The following ITM2B variants were observed in gnomAD, a reference collection of about 807,000 sequenced individuals.
ITM2B encodes the protein integral membrane protein 2B.
In ITM2B, 11 loss-of-function variants were observed where a neutral mutation model predicts 27.8. The observed-to-expected ratio is 0.40, with a 90% CI of 0.25 to 0.66. ITM2B has a LOEUF of 0.66. Among genes scored for constraint, ITM2B ranks in the 30% least tolerant of loss-of-function variants. The pLI, the probability that ITM2B is intolerant of heterozygous loss-of-function variation, is 0.43. For synonymous variants in ITM2B, 114 were observed against 114.3 expected (o/e 1.00, Z 0.02); for missense variants, 296 against 328.9 (o/e 0.90, Z 0.77).
At chr13:48,251,275 A>G (rs758632161) in intron 1 of ITM2B, among the ~76,000 whole-genome samples, 15 of 152,154 alleles carry the variant, frequency 9.9e-5, no homozygotes, top group Admixed American at 2.6e-4. Context: ...CTTTAACTCT[A>G]TCTTCTGCTG....
rs1424618240 is a variant in ITM2B, at chr13:48,263,241, C to G, written c.*2017C>G. The G allele has an allele frequency of 1.3e-5, 2 of 152,128 alleles. No individual in the cohort carries two copies. The highest frequency in any genetic ancestry group is 2.9e-5 in the Non-Finnish European group (2 of 68,022). The allele number at this position is 152,128 out of a possible 1,614,324, so 9.4% of individuals were successfully genotyped here. A position where few individuals can be genotyped will look rare whatever the true frequency, so the allele number is the denominator to read the frequency against. ...TTGGCCAGATTGGTCTAACATGGTACCCATGATTTTACTTCATTTCCAGTA... is the reference window on the plus strand; with the variant it reads ...TTGGCCAGATTGGTCTAACATGGTAGCCATGATTTTACTTCATTTCCAGTA... On this transcript the variant is annotated 3_prime_UTR_variant, in exon 6 of 6. Transcript: ENST00000647800.
chr13:48,243,827 T>C (rs916703510), intron 1 of ITM2B, among the ~76,000 whole-genome samples: 2 of 149,200 alleles, frequency 1.3e-5, no homozygotes, highest in African/African-American at 5.1e-5. Flanking sequence ...AAAAAAAAAT[T>C]AATTAATTAA....
chr13:48,238,666 G>A (rs1951682364), intron 1 of ITM2B, among the ~76,000 whole-genome samples: 1 of 152,058 alleles, frequency 6.6e-6, no homozygotes, highest in South Asian at 2.1e-4. Context: ...CGTTTATTTG[G>A]GAAAGTGATA....
chr13:48,255,686 A>G (rs1384794033), intron 2 of ITM2B, among the ~76,000 whole-genome samples: 3 of 152,230 alleles, frequency 2.0e-5, no homozygotes, highest in Non-Finnish European at 2.9e-5. Context: ...GAATTGTGAT[A>G]TAAAGGGAAA....
intron 1 of ITM2B, among the ~76,000 whole-genome samples, chr13:48,236,601 C>T (rs1951670066): frequency 1.3e-5 from 2 of 152,166 alleles, no homozygotes; most frequent in South Asian, 4.1e-4. Flanking sequence ...AGACTATTCC[C>T]TTTCTTCCTT....
At chr13:48,249,805 AT>A (rs796729283) in intron 1 of ITM2B, among the ~76,000 whole-genome samples, 2 of 151,116 alleles carry the variant, frequency 1.3e-5, no homozygotes, top group Non-Finnish European at 3.0e-5. Context: ...GTTTGCAAAG[AT>A]TTTTTTTTAA....
At position 48,267,668 on chromosome 13, in the gene ITM2B, A is replaced by T. The variant is rs1394514507; in HGVS notation, c.*6444A>T. On this transcript the variant is annotated 3_prime_UTR_variant, in exon 6 of 6. Coordinates refer to ENST00000647800, the MANE Select transcript of ITM2B (RefSeq NM_021999.5). ...CTGTTAAAAGCATTATGTCATATCT[A>T]GTACTTCTTATCTAAGTATTTTAAA... 2 of 152,244 alleles carry T rather than the reference A, an allele frequency of 1.3e-5. No individual in the cohort carries two copies. Among genetic ancestry groups the T allele is most frequent in the Non-Finnish European group, 2.9e-5 (2 of 68,038 alleles). The allele number at this position is 152,244 out of a possible 1,614,324, so 9.4% of individuals were successfully genotyped here.
chr13:48,251,701 C>T (rs910272437), intron 1 of ITM2B, among the ~76,000 whole-genome samples: 19 of 152,188 alleles, frequency 1.2e-4, no homozygotes, highest in African/African-American at 4.1e-4. Context: ...TGGGTGTGTG[C>T]GCACATTTGG....
At position 48,263,360 on chromosome 13, in the gene ITM2B, A is replaced by C; in HGVS notation, c.*2136A>C. On this transcript the variant is annotated 3_prime_UTR_variant, in exon 6 of 6. Coordinates refer to ENST00000647800, the MANE Select transcript of ITM2B (RefSeq NM_021999.5). ...CCCAGGAATTTTGGAACTCCAACTG[A>C]GATTTCAGGCTCATTATTCATTCTA... The C allele has an allele frequency of 6.6e-6, 1 of 151,970 alleles. No homozygotes were observed. Among genetic ancestry groups the C allele is most frequent in the East Asian group, 1.9e-4 (1 of 5,178 alleles). 9.4% of individuals were successfully genotyped at this position (151,970 alleles called of 1,614,324 possible). A position where few individuals can be genotyped will look rare whatever the true frequency, so the allele number is the denominator to read the frequency against.
chr13:48,246,043 G>T (rs961419000), intron 1 of ITM2B, among the ~76,000 whole-genome samples: 1 of 152,162 alleles, frequency 6.6e-6, no homozygotes, highest in African/African-American at 2.4e-5. Flanking sequence ...CTCCCAAAGT[G>T]TTGGGATTAC....
intron 2 of ITM2B, among the ~76,000 whole-genome samples, chr13:48,255,254 TGC>T (rs1364488409): frequency 6.9e-6 from 1 of 144,026 alleles, no homozygotes; most frequent in Non-Finnish European, 1.5e-5. Context: ...TGTGTGTGTG[TGC>T]GCGCGCGTGT....
At chr13:48,233,522 G>A in intron 1 of ITM2B, 45 bp downstream of exon 1, 2 of 1,342,850 alleles carry the variant, frequency 1.5e-6, no homozygotes, top group East Asian at 3.0e-5. Context: ...GGGCCCGGCC[G>A]GGGAGGGCTG....
At chr13:48,244,169 GCCAGGTACTATA>G (rs1171006505) in intron 1 of ITM2B, among the ~76,000 whole-genome samples, 3 of 152,164 alleles carry the variant, frequency 2.0e-5, no homozygotes, top group Non-Finnish European at 4.4e-5. Flanking sequence ...CTACTGGATA[GCCAGGTACTATA>G]CCTGGAATTT....
chr13:48,260,328 G>A (rs1951814499), intron 5 of ITM2B, among the ~76,000 whole-genome samples: 1 of 152,136 alleles, frequency 6.6e-6, no homozygotes, highest in Admixed American at 6.5e-5. Context: ...TGTCTTTATA[G>A]CAGCATGATT....
chr13:48,256,420 G>A, intron 3 of ITM2B, 37 bp downstream of exon 3: 1 of 1,425,858 alleles, frequency 7.0e-7, no homozygotes, highest in Non-Finnish European at 9.9e-7. Flanking sequence ...AAGAATGCAG[G>A]TTCTGTAGTT....
intron 1 of ITM2B, among the ~76,000 whole-genome samples, chr13:48,251,244 C>T (rs892279240): frequency 8.5e-5 from 13 of 152,092 alleles, no homozygotes; most frequent in African/African-American, 3.1e-4. Context: ...TTTGAAAAAT[C>T]ATTGCCATAT....
rs1021198164 is a variant in ITM2B, at chr13:48,263,228, G to C, written c.*2004G>C. 1.3e-5 allele frequency: 2 copies of C among 152,104 alleles called. No individual in the cohort carries two copies. The highest frequency in any genetic ancestry group is 2.9e-5 in the Non-Finnish European group (2 of 68,002). The allele number at this position is 152,104 out of a possible 1,614,324, so 9.4% of individuals were successfully genotyped here. A position where few individuals can be genotyped will look rare whatever the true frequency, so the allele number is the denominator to read the frequency against. ...TGCAATCATTGATTTGGCCAGATTG[G>C]TCTAACATGGTACCCATGATTTTAC... On this transcript the variant is annotated 3_prime_UTR_variant, in exon 6 of 6. Coordinates refer to ENST00000647800, the MANE Select transcript of ITM2B (RefSeq NM_021999.5).
rs1042150315 is a variant in ITM2B at position 48,264,190 on chromosome 13, T to A, written c.*2966T>A. On this transcript the variant is annotated 3_prime_UTR_variant, in exon 6 of 6. Transcript: ENST00000647800. ...TAGGCATGAAAATGCTTCATACAGC[T>A]CTGTACAGTTGTTGACAGTGCCTTT... 6.6e-6 allele frequency: 1 copy of A among 152,140 alleles called. No individual in the cohort carries two copies. Among genetic ancestry groups the A allele is most frequent in the Admixed American group, 6.6e-5 (1 of 15,256 alleles). 9.4% of individuals were successfully genotyped at this position (152,140 alleles called of 1,614,324 possible).
In ITM2B at chr13:48,266,560, A is replaced by C. The variant is rs569440125; in HGVS notation, c.*5336A>C. On this transcript the variant is annotated 3_prime_UTR_variant, in exon 6 of 6. Transcript: ENST00000647800. Reference sequence around the variant, plus strand: ...TGAAGGAAGGAATAAACATCTGGTAACTATAGCTAGAAAAAAAGGAAATAC... The same window carrying C: ...TGAAGGAAGGAATAAACATCTGGTACCTATAGCTAGAAAAAAAGGAAATAC... 5.9e-5 allele frequency: 9 copies of C among 152,302 alleles called. No individual in the cohort carries two copies. Among genetic ancestry groups the C allele is most frequent in the Admixed American group, 5.9e-4 (9 of 15,292 alleles). 9.4% of individuals were successfully genotyped at this position (152,302 alleles called of 1,614,324 possible).
Sources: gnomAD v4.1 joint callset for allele counts (sites outside exome capture counted in the v4.1 genomes callset) on GRCh38, gnomAD v4.1.1 for gene constraint, MANE v1.5 for transcripts, NCBI Gene and HGNC (gene_info 2026-07-23, HGNC 2026-07-21) for gene names.